The following MYO1D variants were observed in gnomAD, a reference collection of about 807,000 sequenced individuals.
MYO1D encodes the protein unconventional myosin-Id.
MYO1D carries 83 observed loss-of-function variants against 122.0 expected under a neutral mutation model. The observed-to-expected ratio is 0.68, with a 90% confidence interval of 0.57 to 0.82. MYO1D has a LOEUF of 0.82. Among genes scored for constraint, MYO1D ranks in the 40% least tolerant of loss-of-function variants. The pLI, the probability that MYO1D is intolerant of heterozygous loss-of-function variation, is 0.00. For missense variants in MYO1D, 1,157 were observed against 1,269.5 expected (o/e 0.91, Z 1.35); for synonymous variants, 464 against 446.9 (o/e 1.04, Z -0.48).
intron 19 of MYO1D, among the ~76,000 whole-genome samples, chr17:32,639,863 C>A (rs1028421724): frequency 2.0e-5 from 3 of 152,172 alleles, no homozygotes; most frequent in Non-Finnish European, 4.4e-5. Context: ...TCTATATCCT[C>A]CATCCCCTCC....
intron 16 of MYO1D, among the ~76,000 whole-genome samples, chr17:32,696,041 G>A (rs893655391): frequency 6.6e-6 from 1 of 152,096 alleles, no homozygotes; most frequent in Non-Finnish European, 1.5e-5. Context: ...ATTTTCCAGA[G>A]ACTATATCAC....
intron 21 of MYO1D, among the ~76,000 whole-genome samples, chr17:32,544,367 C>A (rs2086946613): frequency 1.3e-5 from 2 of 152,136 alleles, no homozygotes; most frequent in African/African-American, 4.8e-5. Flanking sequence ...TCCCAAAGTG[C>A]TGAGATTACA....
At chr17:32,824,758 A>G (rs2090706459) in intron 1 of MYO1D, among the ~76,000 whole-genome samples, 1 of 152,194 alleles carries the variant, frequency 6.6e-6, no homozygotes, top group South Asian at 2.1e-4. Context: ...ACAGAACATT[A>G]TTATGGCATA....
At chr17:32,668,851 G>A (rs949543062) in intron 16 of MYO1D, among the ~76,000 whole-genome samples, 2 of 151,814 alleles carry the variant, frequency 1.3e-5, no homozygotes, top group Admixed American at 6.6e-5. Context: ...ACAGGTGCCC[G>A]CCACCACGCC....
intron 1 of MYO1D, among the ~76,000 whole-genome samples, chr17:32,850,733 A>G (rs1033838662): frequency 2.6e-5 from 4 of 152,132 alleles, no homozygotes; most frequent in African/African-American, 9.7e-5. Context: ...ACACCATATA[A>G]GGACATACCA....
At position 32,824,330 on chromosome 17, in the gene MYO1D, A is replaced by C. The variant is rs1487309689; in HGVS notation, c.96-43546T>G. On this transcript the variant is annotated intron_variant, in intron 1 of 21. Coordinates refer to ENST00000318217, the MANE Select transcript of MYO1D (RefSeq NM_015194.3). Reference sequence around the variant, plus strand: ...GCAACTGCACTCAATAGACTAATAAACTTTCATTTAGGAACTCGAAAAGTT... The same window carrying C: ...GCAACTGCACTCAATAGACTAATAACCTTTCATTTAGGAACTCGAAAAGTT... 3.9e-5 allele frequency among the ~76,000 whole-genome samples: 6 copies of C among 152,292 alleles called. No individual in the cohort carries two copies. The East Asian group carries it at 9.6e-4, about 24-fold the overall frequency.
At chr17:32,748,819 A>G (rs2089867626) in intron 12 of MYO1D, 117 bp downstream of exon 12, 1 of 920,092 alleles carries the variant, frequency 1.1e-6, no homozygotes, top group East Asian at 2.4e-5. Flanking sequence ...ATATATTGAC[A>G]TATCAAATGA....
At position 32,718,542 on chromosome 17, in the gene MYO1D, G is replaced by GA. The variant is rs201191542; in HGVS notation, c.1913+2480dup. Among the ~76,000 whole-genome samples, 51 of 150,754 alleles carry GA rather than the reference G, an allele frequency of 3.4e-4. No homozygotes were observed. The East Asian group carries it at 8.8e-3, about 26-fold the overall frequency. ...GTGAAACTCTGTCTCTATTAAAAAT[G>GA]AAAAAAAAATTAGCTGGGTGTGGTG... On this transcript the variant is annotated intron_variant, in intron 15 of 21. Transcript: ENST00000318217.
chr17:32,571,472 G>A (rs1345421220), intron 21 of MYO1D, among the ~76,000 whole-genome samples: 1 of 151,976 alleles, frequency 6.6e-6, no homozygotes, highest in Non-Finnish European at 1.5e-5. Context: ...TTGCCATATG[G>A]CCTAGAAAAA....
At position 32,494,544 on chromosome 17, in the gene MYO1D, G is replaced by T; in HGVS notation, c.*215C>A. 1 of 626,784 alleles carries T rather than the reference G, an allele frequency of 1.6e-6. No homozygotes were observed. Among genetic ancestry groups the T allele is most frequent in the Non-Finnish European group, 2.7e-6 (1 of 370,446 alleles). The allele number at this position is 626,784 out of a possible 1,614,324, so 38.8% of individuals were successfully genotyped here. On this transcript the variant is annotated 3_prime_UTR_variant, in exon 22 of 22. Coordinates refer to ENST00000318217, the MANE Select transcript of MYO1D (RefSeq NM_015194.3). ...CCAGGGGTCTGGGCGGGGCACCAGG[G>T]TCTTTGGCTTATTGAACAGGGACCG...
At chr17:32,662,918 C>CTTTT (rs66842883) in intron 16 of MYO1D, among the ~76,000 whole-genome samples, 2 of 118,748 alleles carry the variant, frequency 1.7e-5, no homozygotes, top group African/African-American at 3.0e-5. Flanking sequence ...ACTTTCTTTT[C>CTTTT]TTTTTTTTTT....
At chr17:32,567,591 C>T (rs1228669222) in intron 21 of MYO1D, among the ~76,000 whole-genome samples, 1 of 152,240 alleles carries the variant, frequency 6.6e-6, no homozygotes, top group Non-Finnish European at 1.5e-5. Flanking sequence ...ACCTTGTACT[C>T]TTTCTCTGCC....
chr17:32,553,508 CA>C (rs1323317116), intron 21 of MYO1D, among the ~76,000 whole-genome samples: 1 of 152,190 alleles, frequency 6.6e-6, no homozygotes, highest in Non-Finnish European at 1.5e-5. Context: ...CAGAAAGAAT[CA>C]GCTCCTCTTC....
intron 10 of MYO1D, 62 bp from the exon 11 acceptor site, chr17:32,755,724 G>A (rs2089941044): frequency 6.9e-7 from 1 of 1,452,826 alleles, no homozygotes; most frequent in Non-Finnish European, 9.4e-7. Flanking sequence ...GTTAAACCCT[G>A]ATGCTCCCAT....
chr17:32,798,260 G>C (rs1354519881), intron 1 of MYO1D, among the ~76,000 whole-genome samples: 1 of 152,102 alleles, frequency 6.6e-6, no homozygotes, highest in East Asian at 1.9e-4. Context: ...TGAAGGGCCA[G>C]ACACCTTGTC....
intron 18 of MYO1D, 152 bp from the exon 19 acceptor site, chr17:32,654,099 T>G: frequency 3.2e-6 from 2 of 621,736 alleles, no homozygotes; most frequent in Middle Eastern, 3.6e-4. Flanking sequence ...ACTAAATGGT[T>G]GTTGTAACAT....
At chr17:32,584,868 C>CA (rs1389508562) in intron 21 of MYO1D, among the ~76,000 whole-genome samples, 3 of 152,164 alleles carry the variant, frequency 2.0e-5, no homozygotes, top group East Asian at 3.9e-4. Context: ...AACTATGGGA[C>CA]AAAAAAACAT....
chr17:32,607,635 G>A (rs1021904426), intron 20 of MYO1D, among the ~76,000 whole-genome samples: 1 of 152,184 alleles, frequency 6.6e-6, no homozygotes, highest in East Asian at 1.9e-4. Context: ...ATCCCAGCAA[G>A]ATTTTTTGTA....
intron 21 of MYO1D, among the ~76,000 whole-genome samples, chr17:32,523,790 CA>C (rs34905929): frequency 0.32 from 29,042 of 91,598 alleles, 3,637 homozygotes; most frequent in Non-Finnish European, 0.39. Flanking sequence ...GACCCTGTCT[CA>C]AAAAAAAAAA....
Sources: gnomAD v4.1 joint callset for allele counts (sites outside exome capture counted in the v4.1 genomes callset) on GRCh38, gnomAD v4.1.1 for gene constraint, MANE v1.5 for transcripts, NCBI Gene and HGNC (gene_info 2026-07-23, HGNC 2026-07-21) for gene names.